The following ANKRD27 variants were observed in gnomAD, a reference collection of about 807,000 sequenced individuals.
ANKRD27 encodes the protein ankyrin repeat domain-containing protein 27.
In ANKRD27, 112 loss-of-function variants were observed where a neutral mutation model predicts 129.7. That is an observed-to-expected ratio of 0.86 (90% CI 0.74 to 1.01). The LOEUF is 1.01. Ranked by LOEUF, ANKRD27 falls within the 50% of genes least tolerant of loss-of-function variation. ANKRD27 has a pLI of 0.00. For missense variants in ANKRD27, 1,258 were observed against 1,300.5 expected (o/e 0.97, Z 0.50); for synonymous variants, 516 against 511.2 (o/e 1.01, Z -0.13).
At position 32,621,965 on chromosome 19, in the gene ANKRD27, C is replaced by T. The variant is rs578160498; in HGVS notation, c.1827+457G>A. On this transcript the variant is annotated intron_variant, in intron 18 of 28. Transcript: ENST00000306065. The stretch of plus-strand genomic sequence containing the variant: ...CCCCAAACTATGTCTCCAGAAATTA[C>T]TACCAGAAAAAGGTGAGCTCATTAA... 8.5e-5 allele frequency among the ~76,000 whole-genome samples: 13 copies of T among 152,270 alleles called. 1 individual carries two copies. The South Asian group carries it at 2.5e-3, about 29-fold the overall frequency.
At chr19:32,607,567 C>T in intron 23 of ANKRD27, 68 bp downstream of exon 23, 1 of 1,551,034 alleles carries the variant, frequency 6.4e-7, no homozygotes, top group South Asian at 1.2e-5. Context: ...TGCAGCGTTC[C>T]TACCAAGCAC....
intron 1 of ANKRD27, among the ~76,000 whole-genome samples, chr19:32,674,718 C>T (rs551499336): frequency 6.6e-6 from 1 of 152,084 alleles, no homozygotes; most frequent in South Asian, 2.1e-4. Flanking sequence ...GGAAACCGCG[C>T]GGCGACCGCC....
intron 1 of ANKRD27, chr19:32,673,164 G>A (rs1967905627): frequency 5.3e-6 from 2 of 379,850 alleles, no homozygotes; most frequent in Non-Finnish European, 7.2e-6. Flanking sequence ...AGACACCTCT[G>A]CCTGCCCTCC....
At chr19:32,658,780 C>T in intron 2 of ANKRD27, 134 bp downstream of exon 2, 1 of 783,196 alleles carries the variant, frequency 1.3e-6, no homozygotes, top group Non-Finnish European at 2.1e-6. Context: ...TCGCTGCTCA[C>T]TCACAGACCA....
chr19:32,636,721 C>CTATA (rs376200543), intron 12 of ANKRD27, among the ~76,000 whole-genome samples: 12 of 147,212 alleles, frequency 8.2e-5, no homozygotes, highest in South Asian at 2.2e-4. Context: ...CTCTCTCTCT[C>CTATA]TCTATATATA....
chr19:32,619,321 G>C lies in ANKRD27; in HGVS notation c.1946C>G (p.Ser649Cys). 1.2e-6 allele frequency: 2 copies of C among 1,614,010 alleles called. No individual in the cohort carries two copies. The highest frequency in any genetic ancestry group is 1.7e-6 in the Non-Finnish European group (2 of 1,180,032). Residue 649 changes from serine to cysteine, a missense_variant, in exon 20 of 29, where the codon TCC becomes TGC. Coordinates refer to ENST00000306065, the MANE Select transcript of ANKRD27 (RefSeq NM_032139.3). ...VDSISQESST[S>C]SFSSMSASSR... ...GCTGGCTGACATGGAGGAGAAGCTG[G>C]AAGTGGAGGACTCTTGGCTGATGGA...
intron 1 of ANKRD27, among the ~76,000 whole-genome samples, chr19:32,667,043 T>A (rs527853704): frequency 9.8e-4 from 149 of 152,352 alleles, no homozygotes; most frequent in African/African-American, 3.5e-3. Context: ...AGGACTCTTA[T>A]GAGGGTCATT....
intron 21 of ANKRD27, among the ~76,000 whole-genome samples, 156 bp from the exon 22 acceptor site, chr19:32,615,936 C>G (rs1293769454): frequency 4.6e-5 from 7 of 152,208 alleles, no homozygotes; most frequent in Non-Finnish European, 1.5e-5. Context: ...CCTCATGAAG[C>G]CTTCCTCAGT....
In ANKRD27 at chr19:32,675,146, C is replaced by G. The variant is rs923135895; in HGVS notation, c.-106G>C. ...CCTCCCTCGTCCGCTGCTGGGACCTCGATGCCCACCACCCTCGCGCGGCGA... is the reference window on the plus strand; with the variant it reads ...CCTCCCTCGTCCGCTGCTGGGACCTGGATGCCCACCACCCTCGCGCGGCGA... On this transcript the variant is annotated 5_prime_UTR_variant, in exon 1 of 29. Coordinates refer to ENST00000306065, the MANE Select transcript of ANKRD27 (RefSeq NM_032139.3). 6.6e-6 allele frequency: 1 copy of G among 152,552 alleles called. No homozygotes were observed. The highest frequency in any genetic ancestry group is 2.1e-4 in the South Asian group (1 of 4,838). 9.4% of individuals were successfully genotyped at this position (152,552 alleles called of 1,614,324 possible). A position where few individuals can be genotyped will look rare whatever the true frequency, so the allele number is the denominator to read the frequency against.
In ANKRD27 at chr19:32,598,075, T is replaced by A; in HGVS notation, c.*70A>T. On this transcript the variant is annotated 3_prime_UTR_variant, in exon 29 of 29. Coordinates refer to ENST00000306065, the MANE Select transcript of ANKRD27 (RefSeq NM_032139.3). ...TGGAAGCACATTTAGTTCTCAGATG[T>A]GTTCACGCTCAGCATCATCTTGTTG... The A allele has an allele frequency of 7.2e-7, 1 of 1,391,040 alleles. No individual in the cohort carries two copies. Among genetic ancestry groups the A allele is most frequent in the Non-Finnish European group, 1.0e-6 (1 of 981,950 alleles). The allele number at this position is 1,391,040 out of a possible 1,614,324, so 86.2% of individuals were successfully genotyped here.
chr19:32,614,974 G>A lies in ANKRD27; in HGVS notation c.2175+684C>T, dbSNP rs1028934688. 2.0e-5 allele frequency among the ~76,000 whole-genome samples: 3 copies of A among 152,186 alleles called. No individual in the cohort carries two copies. The East Asian group carries it at 5.8e-4, about 29-fold the overall frequency. ...GGGGATTTCTCTGCACTTGGAGGGAGAGTCCCCATGAAGAGTGAACTCAAC... is the reference window on the plus strand; with the variant it reads ...GGGGATTTCTCTGCACTTGGAGGGAAAGTCCCCATGAAGAGTGAACTCAAC... On this transcript the variant is annotated intron_variant, in intron 22 of 28. Coordinates refer to ENST00000306065, the MANE Select transcript of ANKRD27 (RefSeq NM_032139.3).
chr19:32,621,437 G>A (rs189673935), intron 18 of ANKRD27, among the ~76,000 whole-genome samples: 2 of 152,320 alleles, frequency 1.3e-5, no homozygotes, highest in African/African-American at 4.8e-5. Flanking sequence ...GACCAGCCTA[G>A]CCAACATGGT....
chr19:32,636,770 CAG>C (rs369305275), intron 12 of ANKRD27, among the ~76,000 whole-genome samples: 51 of 150,578 alleles, frequency 3.4e-4, no homozygotes, highest in African/African-American at 1.1e-3. Context: ...ATATTTGAGA[CAG>C]AGTCTTGCTG....
Position 32,607,830 on chromosome 19 carries a change from C to T in ANKRD27, c.2178G>A (p.Arg726=). The change falls in exon 23 of 29, where the codon AGG becomes AGA. Residue 726 remains arginine, a splice_region_variant and synonymous_variant. Transcript: ENST00000306065. The part of the protein sequence containing the change: ...QCPKCAPAQK[R]LAKVPASGLG... ...GCCCACTGGCAGGAACCTTCGCCAG[C>T]CTCTGGGAAGCGCAGAAGATGGAAA... is the stretch of plus-strand genomic sequence containing the variant. The T allele has an allele frequency of 6.2e-7, 1 of 1,603,656 alleles. No homozygotes were observed. The highest frequency in any genetic ancestry group is 8.5e-7 in the Non-Finnish European group (1 of 1,175,750).
chr19:32,645,815 T>C (rs528818829), intron 4 of ANKRD27, among the ~76,000 whole-genome samples: 1 of 151,958 alleles, frequency 6.6e-6, no homozygotes, highest in Non-Finnish European at 1.5e-5. Flanking sequence ...TTTGTATTTT[T>C]AGTAGAGATG....
intron 22 of ANKRD27, among the ~76,000 whole-genome samples, chr19:32,613,576 C>G (rs1283265187): frequency 6.6e-6 from 1 of 152,132 alleles, no homozygotes; most frequent in Non-Finnish European, 1.5e-5. Context: ...GAGTATATGC[C>G]ACCATTAAAC....
At position 32,598,579 on chromosome 19, in the gene ANKRD27, T is replaced by C. The variant is rs182001673; in HGVS notation, c.2920-201A>G. ...TGTCAGAGTAAATGTTTCACTTGTT[T>C]TCACAATCTTTATGACTCTAGGAGG... On this transcript the variant is annotated intron_variant, in intron 28 of 28. Transcript: ENST00000306065. 9.2e-5 allele frequency among the ~76,000 whole-genome samples: 14 copies of C among 152,354 alleles called. No individual in the cohort carries two copies. In the East Asian group the frequency reaches 2.1e-3, roughly 23 times the overall value.
rs768853068 is a variant in ANKRD27, at chr19:32,626,782, A to C, written c.1466T>G (p.Val489Gly). 2 of 1,612,500 alleles carry C rather than the reference A, an allele frequency of 1.2e-6. No individual in the cohort carries two copies. The highest frequency in any genetic ancestry group is 2.2e-5 in the South Asian group (2 of 90,672). Residue 489 changes from valine to glycine, a missense_variant, in exon 16 of 29, where the codon GTA becomes GGA. Transcript: ENST00000306065. Reference protein sequence around the residue: ...IDLLVSKGAMVNATDYHGATP... With the variant: ...IDLLVSKGAMGNATDYHGATP... ...GGCTCCATGGTAGTCTGTGGCATTT[A>C]CCATGGCGCCCTTGGAAACCAGGAG...
At chr19:32,644,221 C>G (rs1599761582) in intron 5 of ANKRD27, 104 bp downstream of exon 5, 5 of 1,305,132 alleles carry the variant, frequency 3.8e-6, no homozygotes, top group East Asian at 4.7e-5. Flanking sequence ...AGACTTCAAA[C>G]AGTGAGGCAG....
Sources: allele counts gnomAD v4.1 joint callset (sites outside exome capture counted in the v4.1 genomes callset), GRCh38; gene constraint gnomAD v4.1.1; transcripts MANE v1.5; gene names NCBI Gene and HGNC (gene_info 2026-07-23, HGNC 2026-07-21).